SNX29: variants seen among roughly 807,000 people sequenced by gnomAD.
SNX29 encodes sorting nexin 29, also known as sorting nexin-29.
SNX29 carries 78 observed loss-of-function variants against 102.1 expected under a neutral mutation model. The observed-to-expected ratio is 0.76, with a 90% confidence interval of 0.64 to 0.92. The LOEUF is 0.92. SNX29 is among the 40% of genes least tolerant of loss of function. The pLI is 0.00. For missense variants in SNX29, 1,280 were observed against 1,061.7 expected (o/e 1.21, Z -2.86); for synonymous variants, 580 against 414.5 (o/e 1.40, Z -4.85).
intron 14 of SNX29, among the ~76,000 whole-genome samples, chr16:12,254,647 A>T (rs1043968246): frequency 6.8e-6 from 1 of 148,106 alleles, no homozygotes; most frequent in African/African-American, 2.5e-5. Flanking sequence ...TCCATCTCCA[A>T]AAAAAAAAAA....
At chr16:12,528,206 C>G (rs2141157291) in intron 20 of SNX29, among the ~76,000 whole-genome samples, 1 of 151,698 alleles carries the variant, frequency 6.6e-6, no homozygotes, top group African/African-American at 2.4e-5. Context: ...AGACGTCAAG[C>G]TTCTTTATTT....
intron 20 of SNX29, among the ~76,000 whole-genome samples, chr16:12,535,017 G>T (rs2077034556): frequency 6.6e-6 from 1 of 152,174 alleles, no homozygotes; most frequent in Non-Finnish European, 1.5e-5. Context: ...GGCCTGAGAA[G>T]CTGGCTCGTT....
At chr16:12,547,789 C>A (rs1473195402) in intron 20 of SNX29, among the ~76,000 whole-genome samples, 1 of 152,166 alleles carries the variant, frequency 6.6e-6, no homozygotes, top group Non-Finnish European at 1.5e-5. Context: ...GGCTACCGAA[C>A]AGAATGGGCT....
At chr16:12,472,888 T>G (rs978264897) in intron 18 of SNX29, among the ~76,000 whole-genome samples, 21 of 152,220 alleles carry the variant, frequency 1.4e-4, no homozygotes, top group African/African-American at 4.6e-4. Context: ...TTTGCCCCGA[T>G]GCCCGATTAC....
At chr16:12,540,675 G>A (rs1191272096) in intron 20 of SNX29, among the ~76,000 whole-genome samples, 6 of 152,190 alleles carry the variant, frequency 3.9e-5, no homozygotes, top group South Asian at 2.1e-4. Flanking sequence ...CACAGCTGCT[G>A]GTCCCTCTTG....
intron 1 of SNX29, among the ~76,000 whole-genome samples, chr16:11,987,207 G>C (rs2055664685): frequency 6.6e-6 from 1 of 151,860 alleles, no homozygotes; most frequent in Non-Finnish European, 1.5e-5. Context: ...TGGGACTACA[G>C]GTGTGTGCCA....
chr16:12,477,947 C>T (rs1233535797), intron 19 of SNX29, 88 bp downstream of exon 19: 2 of 1,417,002 alleles, frequency 1.4e-6, no homozygotes, highest in Non-Finnish European at 1.9e-6. Context: ...TGCTTAAAAA[C>T]ACATGCTCCT....
At chr16:12,459,794 C>G (rs904028428) in intron 18 of SNX29, among the ~76,000 whole-genome samples, 1 of 152,172 alleles carries the variant, frequency 6.6e-6, no homozygotes, top group East Asian at 1.9e-4. Context: ...AGCAGTCTTT[C>G]CAGCTCTTGC....
chr16:12,544,834 C>G (rs144313532), intron 20 of SNX29, among the ~76,000 whole-genome samples: 19 of 152,210 alleles, frequency 1.2e-4, no homozygotes, highest in Non-Finnish European at 2.5e-4. Context: ...AGCAAGAACT[C>G]CTTGGGGAAA....
intron 20 of SNX29, among the ~76,000 whole-genome samples, chr16:12,534,976 C>A (rs929887956): frequency 6.6e-6 from 1 of 152,160 alleles, no homozygotes; most frequent in Non-Finnish European, 1.5e-5. Context: ...ACCTGAACGT[C>A]ATTAGTGTGA....
In SNX29 at chr16:12,573,302, T is replaced by C. The variant is rs867509038; in HGVS notation, c.*4673T>C. On this transcript the variant is annotated 3_prime_UTR_variant, in exon 21 of 21. Transcript: ENST00000566228. ...CTAGCCATGAGCCATTGCCATCTTA[T>C]GGGCCCGATTTGGGTACTCTGAATT... The C allele has an allele frequency of 4.4e-6, 1 of 226,864 alleles. No homozygotes were observed. Among genetic ancestry groups the C allele is most frequent in the African/African-American group, 2.2e-5 (1 of 44,994 alleles). 14.1% of individuals were successfully genotyped at this position (226,864 alleles called of 1,614,324 possible). A position where few individuals can be genotyped will look rare whatever the true frequency, so the allele number is the denominator to read the frequency against.
At chr16:12,050,091 C>T (rs7186759) in intron 7 of SNX29, among the ~76,000 whole-genome samples, 61,061 of 152,088 alleles carry the variant, frequency 0.4, 12,853 homozygotes, top group Middle Eastern at 0.51. Context: ...AGACCCTGCA[C>T]GAACCTTGTA....
intron 19 of SNX29, among the ~76,000 whole-genome samples, chr16:12,503,198 A>G (rs1335185596): frequency 6.7e-6 from 1 of 149,888 alleles, no homozygotes; most frequent in Non-Finnish European, 1.5e-5. Context: ...GAGCTGCCTC[A>G]CTCCTTCCAG....
intron 18 of SNX29, among the ~76,000 whole-genome samples, chr16:12,416,292 C>G (rs6498296): frequency 0.46 from 70,551 of 152,032 alleles, 18,061 homozygotes; most frequent in Non-Finnish European, 0.58. Flanking sequence ...GGGGCACCGC[C>G]CAGTCACTCA....
intron 20 of SNX29, among the ~76,000 whole-genome samples, chr16:12,567,645 C>T (rs974578282): frequency 1.1e-4 from 16 of 152,072 alleles, no homozygotes; most frequent in African/African-American, 3.6e-4. Context: ...ACCTATAGTC[C>T]CAGCTGCTCA....
intron 8 of SNX29, among the ~76,000 whole-genome samples, chr16:12,060,646 G>GT (rs1324048672): frequency 1.3e-5 from 2 of 152,144 alleles, no homozygotes; most frequent in Non-Finnish European, 2.9e-5. Context: ...ATTTGCAGGG[G>GT]TTTTTTGAAA....
At chr16:12,165,685 C>G (rs1186427358) in intron 13 of SNX29, among the ~76,000 whole-genome samples, 1 of 152,206 alleles carries the variant, frequency 6.6e-6, no homozygotes, top group African/African-American at 2.4e-5. Context: ...CTCAGCCTCC[C>G]GAGTAGCTGG....
chr16:12,268,696 A>G (rs1389522063), intron 14 of SNX29, among the ~76,000 whole-genome samples: 2 of 152,150 alleles, frequency 1.3e-5, no homozygotes, highest in South Asian at 2.1e-4. Context: ...CTGGAAAACC[A>G]TCTCTGAATT....
chr16:12,348,233 T>A (rs2081879415), intron 15 of SNX29, among the ~76,000 whole-genome samples: 1 of 152,194 alleles, frequency 6.6e-6, no homozygotes, highest in African/African-American at 2.4e-5. Flanking sequence ...TGTCTGCCAG[T>A]CTCCTGGAAT....
Sources: gnomAD v4.1 joint callset for allele counts (sites outside exome capture counted in the v4.1 genomes callset) on GRCh38, gnomAD v4.1.1 for gene constraint, MANE v1.5 for transcripts, NCBI Gene and HGNC (gene_info 2026-07-23, HGNC 2026-07-21) for gene names.